Variants in PLPPR1 observed in about 807,000 individuals in gnomAD.
PLPPR1 encodes phospholipid phosphatase-related protein type 1.
PLPPR1 carries 10 observed loss-of-function variants against 33.1 expected under a neutral mutation model. The observed-to-expected ratio is 0.30, with a 90% CI of 0.19 to 0.51. The LOEUF (loss-of-function observed/expected upper bound fraction) is 0.51. PLPPR1 is among the 20% of genes least tolerant of loss of function. PLPPR1 has a pLI of 0.97. For missense variants in PLPPR1, 304 were observed against 408.1 expected, an observed-to-expected ratio of 0.74 and a Z score of 2.20; for synonymous variants, 151 against 151.0, an observed-to-expected ratio of 1.00 and a Z score of 0.00.
intron 1 of PLPPR1, among the ~76,000 whole-genome samples, chr9:101,117,779 A>G (rs1449186100): frequency 6.6e-6 from 1 of 152,238 alleles, no homozygotes; most frequent in African/African-American, 2.4e-5. Flanking sequence ...ACCTCTTTCA[A>G]AAGGCAATTG....
intron 2 of PLPPR1, among the ~76,000 whole-genome samples, chr9:101,208,900 T>C (rs1279593116): frequency 6.6e-6 from 1 of 152,174 alleles, no homozygotes; most frequent in African/African-American, 2.4e-5. Flanking sequence ...GGCATGCCAT[T>C]TAGTCTGTCT....
chr9:101,225,725 GC>G (rs1385623404), intron 2 of PLPPR1, among the ~76,000 whole-genome samples: 166 of 87,510 alleles, frequency 1.9e-3, no homozygotes, highest in Non-Finnish European at 3.0e-3. Context: ...TTATCCCCCC[GC>G]CCCCCACCCC....
intron 1 of PLPPR1, among the ~76,000 whole-genome samples, chr9:101,121,183 T>C (rs945879418): frequency 1.3e-5 from 2 of 152,236 alleles, no homozygotes; most frequent in South Asian, 2.1e-4. Flanking sequence ...GCCAGCAGAA[T>C]AGTGCAATGC....
At chr9:101,229,675 T>C (rs1010803280) in intron 2 of PLPPR1, among the ~76,000 whole-genome samples, 1 of 152,170 alleles carries the variant, frequency 6.6e-6, no homozygotes, top group Non-Finnish European at 1.5e-5. Context: ...TTGAAAACTT[T>C]CATCTTTGAG....
intron 1 of PLPPR1, among the ~76,000 whole-genome samples, chr9:101,170,840 T>G (rs1041017776): frequency 2.6e-5 from 4 of 152,040 alleles, no homozygotes; most frequent in African/African-American, 9.7e-5. Context: ...CTGGGGAGGC[T>G]GAGGTAGGAG....
rs9886816 is a variant in PLPPR1 at position 101,321,587 on chromosome 9, A to T, written c.946-2438A>T. The stretch of plus-strand genomic sequence containing the variant: ...ACACCCCGCCCCACTCACAATGTAC[A>T]TGAGCAATCAGCTGAGTGTTGTTCA... On this transcript the variant is annotated intron_variant, in intron 7 of 7. Transcript: ENST00000374874. Among the ~76,000 whole-genome samples the T allele has an allele frequency of 3.9e-3, 587 of 152,230 alleles. 3 individuals carry two copies. Among genetic ancestry groups the T allele is most frequent in the African/African-American group, 0.014 (563 of 41,560 alleles).
intron 1 of PLPPR1, among the ~76,000 whole-genome samples, chr9:101,184,814 A>G (rs1826177067): frequency 6.6e-6 from 1 of 151,982 alleles, no homozygotes; most frequent in South Asian, 2.1e-4. Flanking sequence ...AATGTCTTAT[A>G]AGTTAAATGA....
intron 1 of PLPPR1, among the ~76,000 whole-genome samples, chr9:101,054,612 A>C (rs34002094): frequency 6.6e-6 from 1 of 152,178 alleles, no homozygotes; most frequent in Non-Finnish European, 1.5e-5. Flanking sequence ...CTTATTGCTT[A>C]TTATCCAGTA....
intron 2 of PLPPR1, among the ~76,000 whole-genome samples, chr9:101,238,363 A>G (rs1827375716): frequency 7.3e-6 from 1 of 136,256 alleles, no homozygotes; most frequent in Non-Finnish European, 1.6e-5. Context: ...ATATATATAT[A>G]TGGGTATATA....
chr9:101,032,343 G>A (rs955275119), intron 1 of PLPPR1, among the ~76,000 whole-genome samples: 25 of 152,178 alleles, frequency 1.6e-4, no homozygotes, highest in Admixed American at 3.9e-4. Flanking sequence ...TGAGACTGGA[G>A]GCAGGGAACT....
intron 2 of PLPPR1, among the ~76,000 whole-genome samples, chr9:101,243,261 T>C (rs1209830553): frequency 6.6e-6 from 1 of 151,948 alleles, no homozygotes; most frequent in Non-Finnish European, 1.5e-5. Flanking sequence ...TTTTATCCTC[T>C]AGAAAAAGGA....
intron 1 of PLPPR1, among the ~76,000 whole-genome samples, chr9:101,177,659 A>G (rs575323502): frequency 6.6e-6 from 1 of 151,324 alleles, no homozygotes; most frequent in Admixed American, 6.6e-5. Context: ...AATTTCATGG[A>G]TGTGAAACAA....
At chr9:101,056,832 G>A (rs1830283605) in intron 1 of PLPPR1, among the ~76,000 whole-genome samples, 1 of 152,136 alleles carries the variant, frequency 6.6e-6, no homozygotes. Flanking sequence ...GGACCAGTGA[G>A]TTTAGAAATG....
At chr9:101,226,064 T>C (rs1407820752) in intron 2 of PLPPR1, among the ~76,000 whole-genome samples, 1 of 152,098 alleles carries the variant, frequency 6.6e-6, no homozygotes, top group Non-Finnish European at 1.5e-5. Flanking sequence ...AAAGAGCCCA[T>C]GGCTTATTTT....
chr9:101,218,129 G>T (rs927306338), intron 2 of PLPPR1, among the ~76,000 whole-genome samples: 1 of 151,916 alleles, frequency 6.6e-6, no homozygotes, highest in South Asian at 2.1e-4. Context: ...ATTCAAGTAC[G>T]ATCTATCAAT....
At chr9:101,144,255 G>A (rs539658706) in intron 1 of PLPPR1, among the ~76,000 whole-genome samples, 6 of 152,032 alleles carry the variant, frequency 3.9e-5, no homozygotes, top group South Asian at 2.1e-4. Flanking sequence ...ATCACACACC[G>A]GGGCCTGTTG....
At chr9:101,246,435 T>G (rs1391428594) in intron 2 of PLPPR1, among the ~76,000 whole-genome samples, 1 of 152,004 alleles carries the variant, frequency 6.6e-6, no homozygotes, top group Non-Finnish European at 1.5e-5. Context: ...ACATTTATAG[T>G]GTGTACTATA....
intron 2 of PLPPR1, among the ~76,000 whole-genome samples, chr9:101,221,498 C>A (rs553783425): frequency 6.6e-6 from 1 of 152,182 alleles, no homozygotes; most frequent in Non-Finnish European, 1.5e-5. Context: ...GCCAGACTGA[C>A]CCCCTGCAAG....
chr9:101,256,368 CGTAA>C (rs772120086), intron 2 of PLPPR1, among the ~76,000 whole-genome samples: 1 of 151,960 alleles, frequency 6.6e-6, no homozygotes, highest in Non-Finnish European at 1.5e-5. Flanking sequence ...AAGAAATATA[CGTAA>C]GTCTTTTAGA....
Sources: allele counts gnomAD v4.1 joint callset (sites outside exome capture counted in the v4.1 genomes callset), GRCh38; gene constraint gnomAD v4.1.1; transcripts MANE v1.5; gene names NCBI Gene and HGNC (gene_info 2026-07-23, HGNC 2026-07-21).